BANP: variants seen among roughly 807,000 people sequenced by gnomAD.
BANP encodes the protein protein BANP.
BANP carries 11 observed loss-of-function variants against 68.1 expected under a neutral mutation model. The observed-to-expected ratio is 0.16, with a 90% confidence interval of 0.10 to 0.27. The LOEUF (loss-of-function observed/expected upper bound fraction) is 0.27. BANP is among the 10% of genes least tolerant of loss of function. The probability of loss-of-function intolerance (pLI) is 1.00; values close to 1 mark genes in which losing one functional copy is unlikely to be tolerated. For synonymous variants in BANP, 329 were observed against 303.2 expected, an observed-to-expected ratio of 1.09 and a Z score of -0.88; for missense variants, 504 against 722.7, an observed-to-expected ratio of 0.70 and a Z score of 3.47.
intron 1 of BANP, among the ~76,000 whole-genome samples, chr16:87,966,106 A>G (rs557257193): frequency 2.6e-5 from 4 of 152,328 alleles, no homozygotes; most frequent in East Asian, 3.9e-4. Context: ...TCCTTTTGCT[A>G]TCATATTCTG....
intron 10 of BANP, among the ~76,000 whole-genome samples, chr16:88,035,907 G>A (rs899190497): frequency 8.5e-5 from 13 of 152,252 alleles, no homozygotes; most frequent in African/African-American, 2.9e-4. Context: ...CGCACCTGCT[G>A]GGTCTGTGAT....
At chr16:88,033,385 A>C (rs1285620550) in intron 9 of BANP, 140 bp downstream of exon 9, 1 of 898,976 alleles carries the variant, frequency 1.1e-6, no homozygotes, top group African/African-American at 1.7e-5. Flanking sequence ...TCCCCATTTA[A>C]AGTAGAGGTC....
intron 11 of BANP, among the ~76,000 whole-genome samples, chr16:88,041,919 G>T (rs2080899379): frequency 6.6e-6 from 1 of 152,246 alleles, no homozygotes; most frequent in Non-Finnish European, 1.5e-5. Flanking sequence ...GAGCCTGAGA[G>T]ACACAGTAGG....
At chr16:87,979,876 C>G (rs1010252694) in intron 2 of BANP, among the ~76,000 whole-genome samples, 1 of 151,982 alleles carries the variant, frequency 6.6e-6, no homozygotes, top group African/African-American at 2.4e-5. Flanking sequence ...GTGGGGGGTC[C>G]CTTGAGTACA....
At chr16:88,044,624 A>G (rs1427352165) in intron 11 of BANP, among the ~76,000 whole-genome samples, 1 of 152,198 alleles carries the variant, frequency 6.6e-6, no homozygotes, top group African/African-American at 2.4e-5. Flanking sequence ...TAAAAGTTGT[A>G]ATTGAGTAGC....
Position 87,957,110 on chromosome 16 carries a change from C to T in BANP, c.-69+5595C>T, listed in dbSNP as rs984228494. 3.9e-5 allele frequency: 6 copies of T among 152,218 alleles called. No individual in the cohort carries two copies. The South Asian group carries it at 6.2e-4, about 16-fold the overall frequency. The allele number at this position is 152,218 out of a possible 1,614,324, so 9.4% of individuals were successfully genotyped here. On this transcript the variant is annotated intron_variant, in intron 1 of 13. Transcript: ENST00000682872. The surrounding 1 kb of genome is among the most constrained non-coding windows in gnomAD (Gnocchi z 4.3). ...TTCGCGTCTACACTTCGTCAAGAAC[C>T]GTCCAATTTGATTAAACATTCTGGA...
chr16:87,967,608 A>C (rs964063328), intron 1 of BANP, among the ~76,000 whole-genome samples: 1 of 143,492 alleles, frequency 7.0e-6, no homozygotes, highest in Non-Finnish European at 1.5e-5. Context: ...GGCATGCCCC[A>C]CCACACCCAG....
intron 4 of BANP, among the ~76,000 whole-genome samples, chr16:87,995,742 C>A (rs2067007001): frequency 6.6e-6 from 1 of 152,210 alleles, no homozygotes; most frequent in Non-Finnish European, 1.5e-5. Flanking sequence ...TAGAAAACAG[C>A]CAGATACTGT....
intron 7 of BANP, among the ~76,000 whole-genome samples, chr16:88,020,373 C>T (rs1053163850): frequency 3.3e-5 from 5 of 152,370 alleles, no homozygotes; most frequent in African/African-American, 1.2e-4. Flanking sequence ...GAGCACACAT[C>T]TGCGCACCAG....
intron 13 of BANP, among the ~76,000 whole-genome samples, chr16:88,072,643 A>C (rs1171206687): frequency 6.6e-6 from 1 of 152,260 alleles, no homozygotes; most frequent in African/African-American, 2.4e-5. Flanking sequence ...AACAAAGCGC[A>C]GGGCTGCTGT....
intron 11 of BANP, among the ~76,000 whole-genome samples, chr16:88,038,747 G>A (rs2080045044): frequency 1.3e-5 from 2 of 152,140 alleles, no homozygotes. Context: ...CTCGCTGGTG[G>A]TTTTGAGGCT....
intron 13 of BANP, among the ~76,000 whole-genome samples, chr16:88,074,436 G>A (rs1356634327): frequency 6.6e-6 from 1 of 152,078 alleles, no homozygotes; most frequent in Non-Finnish European, 1.5e-5. Flanking sequence ...GGGAGGGTAG[G>A]GGGGTGCCAT....
At position 88,018,631 on chromosome 16, in the gene BANP, A is replaced by C. The variant is rs902319016; in HGVS notation, c.859A>C (p.Lys287Gln). 7.0e-6 allele frequency: 11 copies of C among 1,573,486 alleles called. No homozygotes were observed. In the Admixed American group the frequency reaches 9.3e-5, roughly 13 times the overall value. ...NLSGQGKHGK[K>Q]QLDPLTIYGI... ...CTCGGGGCAGGGCAAGCACGGGAAG[A>C]AGCAGCTGGACCCGCTCACCATCTA... is the stretch of plus-strand genomic sequence containing the variant. The change falls in exon 7 of 14, where the codon AAG becomes CAG. Residue 287 changes from lysine to glutamine, a missense_variant. Transcript: ENST00000682872. This position sits in a 1 kb window ranked among gnomAD's most constrained non-coding sequence, Gnocchi z 7.7.
At chr16:88,011,478 C>CT (rs1567745226) in intron 6 of BANP, among the ~76,000 whole-genome samples, 2 of 152,176 alleles carry the variant, frequency 1.3e-5, no homozygotes. Context: ...TTATTTTTCA[C>CT]TTTAAGAAAT....
At chr16:87,968,080 CT>C (rs34083191) in intron 1 of BANP, among the ~76,000 whole-genome samples, 40,786 of 147,360 alleles carry the variant, frequency 0.28, 6,333 homozygotes, top group East Asian at 0.49. Flanking sequence ...GTTTTTTTGC[CT>C]TTTTTTTTTT....
chr16:87,997,712 G>C (rs2067667257), intron 4 of BANP, among the ~76,000 whole-genome samples: 1 of 149,810 alleles, frequency 6.7e-6, no homozygotes, highest in African/African-American at 2.5e-5. Flanking sequence ...AGCCAGGATA[G>C]CTGGGTGAGA....
intron 1 of BANP, among the ~76,000 whole-genome samples, chr16:87,962,254 A>AAAAAAAAAAAAC (rs2059317220): frequency 6.8e-6 from 1 of 147,704 alleles, no homozygotes; most frequent in Non-Finnish European, 1.5e-5. Flanking sequence ...AAAAAAAAAA[A>AAAAAAAAAAAAC]AAGAAAGCAC....
At position 88,004,648 on chromosome 16, in the gene BANP, G is replaced by A. The variant is rs531315451; in HGVS notation, c.479+237G>A. On this transcript the variant is annotated intron_variant, in intron 5 of 13. Coordinates refer to ENST00000682872, the MANE Select transcript of BANP (RefSeq NM_001386991.1). This position sits in a 1 kb window ranked among gnomAD's most constrained non-coding sequence, Gnocchi z 7.0. ...CTGCCGCCGGGGACTTCTGTGTCTC[G>A]TGCTGGCCGGGGTTGTGGAGGGGGC... is the stretch of plus-strand genomic sequence containing the variant. 8.5e-5 allele frequency among the ~76,000 whole-genome samples: 13 copies of A among 152,284 alleles called. No homozygotes were observed. The highest frequency in any genetic ancestry group is 3.1e-4 in the African/African-American group (13 of 41,556).
intron 4 of BANP, among the ~76,000 whole-genome samples, chr16:87,996,320 C>T (rs868117508): frequency 6.6e-6 from 1 of 152,230 alleles, no homozygotes. Context: ...CGATGCTAAC[C>T]TCTGCTGCGA....
Sources: gnomAD v4.1 joint callset for allele counts (sites outside exome capture counted in the v4.1 genomes callset) on GRCh38, gnomAD v4.1.1 for gene constraint, Gnocchi (gnomAD v3.1) non-coding constraint, MANE v1.5 for transcripts, NCBI Gene and HGNC (gene_info 2026-07-23, HGNC 2026-07-21) for gene names.